NINJ2: variants seen among roughly 807,000 people sequenced by gnomAD.
NINJ2 encodes ninjurin 2, also known as ninjurin-2.
Under a neutral mutation model 11.7 loss-of-function variants are expected in NINJ2, and 12 were observed. The ratio of observed to expected loss-of-function variants is 1.02; its 90% CI spans 0.66 to 1.66. The LOEUF (loss-of-function observed/expected upper bound fraction) is 1.66, where lower values mean the gene tolerates loss of function less well. Ranked by LOEUF, NINJ2 falls within the 40% of genes most tolerant of loss-of-function variation. The pLI is 0.00. For synonymous variants in NINJ2, 93 were observed against 76.8 expected (o/e 1.21, Z -1.10); for missense variants, 187 against 181.8 (o/e 1.03, Z -0.16).
intron 1 of NINJ2, among the ~76,000 whole-genome samples, chr12:601,428 G>T (rs536322935): frequency 2.5e-4 from 38 of 150,944 alleles, no homozygotes; most frequent in Non-Finnish European, 4.3e-4. Context: ...GGCGCCTGTA[G>T]TCCCAGCTAC....
intron 1 of NINJ2, among the ~76,000 whole-genome samples, chr12:656,951 A>T (rs913864426): frequency 6.6e-6 from 1 of 152,196 alleles, no homozygotes; most frequent in Non-Finnish European, 1.5e-5. Context: ...ATCCACGTGT[A>T]AAAATATGAA....
At chr12:568,156 A>ATT (rs1390397207) in intron 1 of NINJ2, among the ~76,000 whole-genome samples, 1 of 152,244 alleles carries the variant, frequency 6.6e-6, no homozygotes, top group East Asian at 1.9e-4. Context: ...TATTGGACTA[A>ATT]TTATATATAT....
chr12:606,660 AC>A (rs1478859310), intron 1 of NINJ2, among the ~76,000 whole-genome samples: 4 of 152,210 alleles, frequency 2.6e-5, no homozygotes, highest in Non-Finnish European at 4.4e-5. Context: ...CAGCAGCCAC[AC>A]TAGAAGCTAC....
intron 1 of NINJ2, among the ~76,000 whole-genome samples, chr12:657,403 C>T (rs941011015): frequency 7.2e-5 from 11 of 151,984 alleles, no homozygotes; most frequent in Non-Finnish European, 1.5e-4. Context: ...GCCTGGCCAA[C>T]ATAGTGAAAC....
At chr12:620,472 G>A (rs1387862019) in intron 1 of NINJ2, among the ~76,000 whole-genome samples, 2 of 152,226 alleles carry the variant, frequency 1.3e-5, no homozygotes, top group East Asian at 3.8e-4. Flanking sequence ...TTTGTCAAAT[G>A]CACAGAGGTG....
rs567443024 is a variant in NINJ2, at chr12:660,436, G to A, written c.33+2892C>T. On this transcript the variant is annotated intron_variant, in intron 1 of 3. Transcript: ENST00000305108. ...GCTCACCACAACCTCTGCCTCCCAG[G>A]TTCAAGCAACTCTCCTGCCTCAGCC... is the stretch of plus-strand genomic sequence containing the variant. Among the ~76,000 whole-genome samples the A allele has an allele frequency of 2.6e-3, 396 of 150,930 alleles. 2 individuals carry two copies. Among genetic ancestry groups the A allele is most frequent in the African/African-American group, 9.2e-3 (379 of 41,110 alleles).
intron 1 of NINJ2, among the ~76,000 whole-genome samples, chr12:656,748 CAA>C (rs397702753): frequency 2.2e-4 from 23 of 106,492 alleles, no homozygotes; most frequent in African/African-American, 4.5e-4. Flanking sequence ...GACTCTGTCT[CAA>C]AAAAAAAAAA....
rs751592130 is a variant in NINJ2, at chr12:663,364, G to T, written c.-4C>A. 1 of 1,613,990 alleles carries T rather than the reference G, an allele frequency of 6.2e-7. No homozygotes were observed. The highest frequency in any genetic ancestry group is 1.3e-5 in the African/African-American group (1 of 74,906). On this transcript the variant is annotated 5_prime_UTR_variant, in exon 1 of 4. Transcript: ENST00000305108. The stretch of plus-strand genomic sequence containing the variant: ...TGTTTTCTCTTGCTGATTCCATCTC[G>T]CTGCCCTCAAGTCCCTTCACACGCA...
In NINJ2 at chr12:569,195, G is replaced by A. The variant is rs547166303; in HGVS notation, c.34-3017C>T. 2.0e-5 allele frequency among the ~76,000 whole-genome samples: 3 copies of A among 152,334 alleles called. No homozygotes were observed. The South Asian group carries it at 6.2e-4, about 32-fold the overall frequency. Reference sequence around the variant, plus strand: ...GGCGTTCAGGGCCTTTGGAAATCCAGTTCAAGCAAGGCTGGCTTGTCTAGG... The same window carrying A: ...GGCGTTCAGGGCCTTTGGAAATCCAATTCAAGCAAGGCTGGCTTGTCTAGG... On this transcript the variant is annotated intron_variant, in intron 1 of 3. Transcript: ENST00000305108.
chr12:571,385 T>C (rs577401448), intron 1 of NINJ2, among the ~76,000 whole-genome samples: 43 of 152,118 alleles, frequency 2.8e-4, no homozygotes, highest in South Asian at 1.2e-3. Context: ...GACCCAGCGG[T>C]TTGCCCCATT....
chr12:643,432 G>C (rs1937625208), intron 1 of NINJ2: 2 of 988,104 alleles, frequency 2.0e-6, no homozygotes, highest in Non-Finnish European at 2.4e-6. Flanking sequence ...GCTCCGCCGC[G>C]ACGCGGCTCA....
rs67797144 is a variant in NINJ2, at chr12:634,265, C to CTTTTTTTTTTTTTTTTTTTTTTT, written c.33+29040_33+29062dup. ...AAATAAATGTTGATTAGTTGCAGTT[C>CTTTTTTTTTTTTTTTTTTTTTTT]TTTTTTTTTTTTTTTTTTTTTTTTT... On this transcript the variant is annotated intron_variant, in intron 1 of 3. Transcript: ENST00000305108. Among the ~76,000 whole-genome samples the CTTTTTTTTTTTTTTTTTTTTTTT allele has an allele frequency of 5.5e-4, 33 of 59,526 alleles. 3 individuals carry two copies. Among genetic ancestry groups the CTTTTTTTTTTTTTTTTTTTTTTT allele is most frequent in the East Asian group, 1.7e-3 (2 of 1,174 alleles). 39.1% of individuals were successfully genotyped at this position (59,526 alleles called of 152,430 possible).
chr12:624,022 C>G (rs866484095), intron 1 of NINJ2, among the ~76,000 whole-genome samples: 1 of 152,042 alleles, frequency 6.6e-6, no homozygotes, highest in East Asian at 1.9e-4. Context: ...GGTGACAGAG[C>G]GAGACTCTGT....
intron 1 of NINJ2, among the ~76,000 whole-genome samples, chr12:578,492 G>T (rs546394933): frequency 6.6e-6 from 1 of 151,992 alleles, no homozygotes; most frequent in African/African-American, 2.4e-5. Flanking sequence ...TTTTTAAAAC[G>T]TTTTTTGTAG....
chr12:649,108 G>A (rs1458831024), intron 1 of NINJ2, among the ~76,000 whole-genome samples: 8 of 150,716 alleles, frequency 5.3e-5, no homozygotes, highest in African/African-American at 1.5e-4. Context: ...CTGCAGTGGC[G>A]CGATCTCGGC....
intron 1 of NINJ2, among the ~76,000 whole-genome samples, chr12:650,894 A>G (rs1937776968): frequency 6.6e-6 from 1 of 152,344 alleles, no homozygotes; most frequent in South Asian, 2.1e-4. Context: ...TGGGAAAGAC[A>G]TAGGGCAAAC....
At position 633,821 on chromosome 12, in the gene NINJ2, A is replaced by T. The variant is rs572520450; in HGVS notation, c.33+29507T>A. Among the ~76,000 whole-genome samples the T allele has an allele frequency of 6.6e-5, 10 of 152,276 alleles. No homozygotes were observed. Among genetic ancestry groups the T allele is most frequent in the African/African-American group, 2.4e-4 (10 of 41,554 alleles). On this transcript the variant is annotated intron_variant, in intron 1 of 3. Coordinates refer to ENST00000305108, the MANE Select transcript of NINJ2 (RefSeq NM_016533.6). This position sits in a 1 kb window ranked among gnomAD's most constrained non-coding sequence, Gnocchi z 4.3. ...CAGAGTGAGATTGTGTAAAAAAAAC[A>T]AACCACTTTAGAGTTTTCCACTGTC...
intron 1 of NINJ2, among the ~76,000 whole-genome samples, chr12:602,684 CT>C (rs1565631231): frequency 6.6e-6 from 1 of 152,198 alleles, no homozygotes; most frequent in Non-Finnish European, 1.5e-5. Context: ...TGCCAGACTG[CT>C]TTCCAAAGTG....
chr12:653,836 G>A (rs1009461193), intron 1 of NINJ2, among the ~76,000 whole-genome samples: 1 of 152,162 alleles, frequency 6.6e-6, no homozygotes, highest in African/African-American at 2.4e-5. Flanking sequence ...GGCAGAAATT[G>A]TCAGGATGGA....
Sources: allele counts gnomAD v4.1 joint callset (sites outside exome capture counted in the v4.1 genomes callset), GRCh38; gene constraint gnomAD v4.1.1; non-coding constraint Gnocchi (gnomAD v3.1); transcripts MANE v1.5; gene names NCBI Gene and HGNC (gene_info 2026-07-23, HGNC 2026-07-21).